The following CIMAP1A variants were observed in gnomAD, a reference collection of about 807,000 sequenced individuals.
CIMAP1A encodes ciliary microtubule associated protein 1A.
chr11:198,083 C>T, the CIMAP1A span: 2 of 1,548,482 alleles, frequency 1.3e-6, no homozygotes, highest in Non-Finnish European at 1.7e-6. Context: ...TGGTCACCAC[C>T]TGTGTTGGAG....
the CIMAP1A span, chr11:198,068 C>T: frequency 1.1e-4 from 170 of 1,545,752 alleles, 2 homozygotes; most frequent in African/African-American, 1.5e-3. Flanking sequence ...CCCCCTGACC[C>T]GACTTGGTCA....
At chr11:200,061 C>T in the CIMAP1A span, 5 of 1,610,016 alleles carry the variant, frequency 3.1e-6, no homozygotes, top group Non-Finnish European at 4.2e-6. Flanking sequence ...CCCATCACAC[C>T]CGGCATCTAC....
chr11:197,149 T>C, the CIMAP1A span: 2 of 531,496 alleles, frequency 3.8e-6, no homozygotes, highest in Non-Finnish European at 3.3e-6. Flanking sequence ...GACTCCTGGC[T>C]CCCAGCTGGA....
At chr11:198,282 C>T in the CIMAP1A span, 52 of 1,613,892 alleles carry the variant, frequency 3.2e-5, no homozygotes, top group East Asian at 1.1e-4. Flanking sequence ...AAAGGCATTC[C>T]GAGTGGACAG....
chr11:198,459 T>C, the CIMAP1A span: 1 of 1,613,236 alleles, frequency 6.2e-7, no homozygotes, highest in South Asian at 1.1e-5. Flanking sequence ...ACGTCCACCC[T>C]GCAGGCCCCG....
At chr11:198,615 A>C in the CIMAP1A span, 65 of 1,579,102 alleles carry the variant, frequency 4.1e-5, no homozygotes, top group Non-Finnish European at 5.2e-5. Flanking sequence ...AGAACAGAGA[A>C]TCACCCCCAA....
chr11:199,618 A>G, the CIMAP1A span: 5 of 1,069,852 alleles, frequency 4.7e-6, no homozygotes, highest in East Asian at 8.3e-5. Flanking sequence ...GAGGGGAAAC[A>G]GGGTCAGGCT....
the CIMAP1A span, chr11:198,341 G>A: frequency 6.2e-7 from 1 of 1,613,542 alleles, no homozygotes; most frequent in Non-Finnish European, 8.5e-7. Context: ...AATGGACCTG[G>A]GGATCCTGGG....
chr11:198,206 C>T, the CIMAP1A span: 12 of 1,613,672 alleles, frequency 7.4e-6, no homozygotes, highest in Admixed American at 1.0e-4. Flanking sequence ...CAGGTGACTA[C>T]TTTCCAGAGA....
At chr11:197,944 A>T in the CIMAP1A span, 9 of 1,509,522 alleles carry the variant, frequency 6.0e-6, no homozygotes, top group Admixed American at 1.8e-4. Context: ...CTGGCCCAAG[A>T]GTCCAGCTCC....
the CIMAP1A span, chr11:197,479 G>A: frequency 2.5e-6 from 4 of 1,592,314 alleles, no homozygotes; most frequent in African/African-American, 5.4e-5. Context: ...TCCCGGGAAG[G>A]GCCTGGGGCT....
the CIMAP1A span, chr11:198,919 G>T: frequency 1.7e-6 from 2 of 1,209,950 alleles, no homozygotes; most frequent in Non-Finnish European, 1.0e-6. Context: ...TGAGCTATTT[G>T]GGGGAGGAGG....
the CIMAP1A span, chr11:199,310 C>T: frequency 3.9e-6 from 6 of 1,546,186 alleles, no homozygotes; most frequent in South Asian, 7.2e-5. Context: ...TGCTCCCTGT[C>T]CTCTAGGGCC....
At chr11:199,992 C>T in the CIMAP1A span, 1 of 1,614,134 alleles carries the variant, frequency 6.2e-7, no homozygotes, top group Non-Finnish European at 8.5e-7. Flanking sequence ...CGGCATCAAA[C>T]ACTCTGATTA....
chr11:199,873 C>T, the CIMAP1A span: 5 of 1,578,792 alleles, frequency 3.2e-6, no homozygotes, highest in African/African-American at 1.3e-5. Context: ...AGCAGCCCAG[C>T]CCCAGCCAGG....
At chr11:197,164 C>G in the CIMAP1A span, 1 of 430,284 alleles carries the variant, frequency 2.3e-6, no homozygotes, top group Non-Finnish European at 4.1e-6. Flanking sequence ...GCTGGAGATC[C>G]CCACTGATGC....
the CIMAP1A span, chr11:199,144 A>G: frequency 8.6e-6 from 12 of 1,403,152 alleles, no homozygotes; most frequent in Non-Finnish European, 1.1e-5. Flanking sequence ...TGGGGATGCC[A>G]TTGCCAGCGT....
the CIMAP1A span, chr11:199,317 GGCCACAC>G: frequency 1.3e-6 from 2 of 1,548,708 alleles, no homozygotes; most frequent in Non-Finnish European, 1.7e-6. Context: ...TGTCCTCTAG[GGCCACAC>G]GCCCTGGGTA....
the CIMAP1A span, chr11:197,768 G>A: frequency 6.8e-6 from 11 of 1,612,948 alleles, no homozygotes; most frequent in Non-Finnish European, 9.3e-6. Flanking sequence ...CCAGGTTAGT[G>A]ACCCTGTCTC....
Sources: gnomAD v4.1 joint callset for allele counts on GRCh38, gnomAD v4.1.1 for gene constraint, MANE v1.5 for transcripts, NCBI Gene and HGNC (gene_info 2026-07-23, HGNC 2026-07-21) for gene names.